The following ZNF211 variants were observed in gnomAD, a reference collection of about 807,000 sequenced individuals.
The protein encoded by ZNF211 is zinc finger protein 211.
ZNF211 carries 18 observed loss-of-function variants against 12.1 expected under a neutral mutation model. The observed-to-expected ratio is 1.48, with a 90% CI of 1.03 to 2.20. ZNF211 has a LOEUF of 2.20. Among genes scored for constraint, ZNF211 ranks in the 30% most tolerant of loss-of-function variants. ZNF211 has a pLI of 0.00. For synonymous variants in ZNF211, 249 were observed against 246.0 expected (o/e 1.01, Z -0.11); for missense variants, 677 against 703.1 (o/e 0.96, Z 0.42).
chr19:57,639,941 G>A, intron 3 of ZNF211: 1 of 1,534,308 alleles, frequency 6.5e-7, no homozygotes, highest in Non-Finnish European at 8.7e-7. Flanking sequence ...TCATGTAGTT[G>A]CTCAACTAGG....
intron 3 of ZNF211, among the ~76,000 whole-genome samples, chr19:57,639,255 G>A (rs4801235): frequency 0.18 from 27,366 of 150,754 alleles, 2,643 homozygotes; most frequent in East Asian, 0.32. Flanking sequence ...AGGAAGGGCA[G>A]ACTTCTATCA....
intron 3 of ZNF211, among the ~76,000 whole-genome samples, chr19:57,639,310 T>C (rs1982543714): frequency 6.6e-6 from 1 of 151,314 alleles, no homozygotes; most frequent in African/African-American, 2.4e-5. Context: ...TATAGCTTTT[T>C]TGATCCTAAT....
chr19:57,635,080 G>A, intron 3 of ZNF211: 1 of 563,162 alleles, frequency 1.8e-6, no homozygotes, highest in Non-Finnish European at 2.2e-6. Context: ...GTGCTAGACT[G>A]TGACATGAAA....
chr19:57,640,841 T>C lies in ZNF211; in HGVS notation c.394T>C (p.Leu132=), dbSNP rs768586784. ...CTCCTGTGAAATATGTTGCCTGGTC[T>C]TGAGAGATATTTTGCACTTGGCTGA... The part of the protein sequence containing the change: ...ADSCEICCLV[L]RDILHLAEHQ... The change falls in exon 4 of 4, where the codon TTG becomes CTG. Residue 132 remains leucine (L), a synonymous_variant. Transcript: ENST00000240731. 7.4e-6 allele frequency: 12 copies of C among 1,614,134 alleles called. No individual in the cohort carries two copies. The East Asian group carries it at 1.3e-4, about 18-fold the overall frequency.
At chr19:57,640,089 G>A (rs1982694668) in intron 3 of ZNF211, 1 of 1,531,936 alleles carries the variant, frequency 6.5e-7, no homozygotes, top group African/African-American at 1.4e-5. Flanking sequence ...AATTGCACCA[G>A]GAACCTGTCC....
At chr19:57,634,165 TTC>T in intron 2 of ZNF211, 104 bp downstream of exon 2, 1 of 1,298,426 alleles carries the variant, frequency 7.7e-7, no homozygotes, top group Non-Finnish European at 1.0e-6. Context: ...TCACCTACCA[TTC>T]TCTCAGCGTT....
chr19:57,641,354 T>C lies in ZNF211; in HGVS notation c.907T>C (p.Cys303Arg). ...AGAAAGGCCTTATGAATGCAATGAA[T>C]GTGGAAAATTCTTTACCTACTACTC... ...SEERPYECNE[C>R]GKFFTYYSSF... Residue 303 changes from cysteine to arginine, a missense_variant, in exon 4 of 4, where the codon TGT becomes CGT. Cys to Arg is a radical substitution (Grantham distance 180). Coordinates refer to ENST00000240731, the MANE Select transcript of ZNF211 (RefSeq NM_006385.5). 1 of 1,614,210 alleles carries C rather than the reference T, an allele frequency of 6.2e-7. No individual in the cohort carries two copies. Among genetic ancestry groups the C allele is most frequent in the Non-Finnish European group, 8.5e-7 (1 of 1,180,036 alleles).
chr19:57,639,451 ACT>A (rs1982596417), intron 3 of ZNF211, among the ~76,000 whole-genome samples: 1 of 81,092 alleles, frequency 1.2e-5, no homozygotes, highest in Non-Finnish European at 2.2e-5. Flanking sequence ...ATGGTGTCTC[ACT>A]CTGTTGCCCA....
In ZNF211 at chr19:57,633,709, T is replaced by A. The variant is rs1006678106; in HGVS notation, c.90+273T>A. 5 of 1,533,376 alleles carry A rather than the reference T, an allele frequency of 3.3e-6. No individual in the cohort carries two copies. In the African/African-American group the frequency reaches 5.5e-5, roughly 17 times the overall value. The allele number at this position is 1,533,376 out of a possible 1,614,324, so 95.0% of individuals were successfully genotyped here. On this transcript the variant is annotated intron_variant, in intron 1 of 3. Coordinates refer to ENST00000240731, the MANE Select transcript of ZNF211 (RefSeq NM_006385.5). ...GTTTGAGAGAGATCTACCTTTATTC[T>A]TAGGGCCGTGGGAGCCATAGAGAGC... is the stretch of plus-strand genomic sequence containing the variant.
At chr19:57,635,163 ACT>A (rs1446988514) in intron 3 of ZNF211, among the ~76,000 whole-genome samples, 2 of 152,170 alleles carry the variant, frequency 1.3e-5, no homozygotes, top group African/African-American at 2.4e-5. Flanking sequence ...ACAGCAGAAC[ACT>A]CTAACAAATT....
intron 3 of ZNF211, among the ~76,000 whole-genome samples, 189 bp from the exon 4 acceptor site, chr19:57,640,515 T>C (rs1406906224): frequency 6.6e-6 from 1 of 152,208 alleles, no homozygotes; most frequent in Non-Finnish European, 1.5e-5. Context: ...TGGGAGGGCC[T>C]ACCCTATTCC....
chr19:57,642,966 G>A lies in ZNF211; in HGVS notation c.*785G>A, dbSNP rs563852340. On this transcript the variant is annotated 3_prime_UTR_variant, in exon 4 of 4. Transcript: ENST00000240731. ...TGAATTATTGCCCAAGGCCTTCTAG[G>A]AAATACTGCAGGATATTATGGTCTT... 6.6e-6 allele frequency among the ~76,000 whole-genome samples: 1 copy of A among 152,212 alleles called. No individual in the cohort carries two copies. Among genetic ancestry groups the A allele is most frequent in the South Asian group, 2.1e-4 (1 of 4,820 alleles).
At chr19:57,634,935 T>G (rs1462643823) in intron 3 of ZNF211, 180 bp downstream of exon 3, 1 of 985,310 alleles carries the variant, frequency 1.0e-6, no homozygotes, top group African/African-American at 1.7e-5. Context: ...CAAAAGCATC[T>G]TGGGTAAGGA....
At chr19:57,634,560 A>AT in intron 2 of ZNF211, 69 bp from the exon 3 acceptor site, 1 of 1,456,692 alleles carries the variant, frequency 6.9e-7, no homozygotes, top group Non-Finnish European at 9.1e-7. Flanking sequence ...AGGAGAATGT[A>AT]TGGGGACATG....
intron 3 of ZNF211, chr19:57,640,013 G>C (rs1324331280): frequency 6.5e-7 from 1 of 1,535,952 alleles, no homozygotes; most frequent in Non-Finnish European, 8.7e-7. Flanking sequence ...AGCAAGATGG[G>C]ATCAGAGAGG....
Position 57,644,039 on chromosome 19 carries a change from G to T in ZNF211, c.*1858G>T, listed in dbSNP as rs1983253050. Reference sequence around the variant, plus strand: ...TATTACAAATAAAGCTGCTAGAAATGTACAATTCTTCATATGTGCATTTTT... The same window carrying T: ...TATTACAAATAAAGCTGCTAGAAATTTACAATTCTTCATATGTGCATTTTT... On this transcript the variant is annotated 3_prime_UTR_variant, in exon 4 of 4. Coordinates refer to ENST00000240731, the MANE Select transcript of ZNF211 (RefSeq NM_006385.5). 2.0e-5 allele frequency among the ~76,000 whole-genome samples: 3 copies of T among 152,094 alleles called. No individual in the cohort carries two copies. In the South Asian group the frequency reaches 6.3e-4, roughly 32 times the overall value.
rs2122230769 is a variant in ZNF211 at position 57,642,289 on chromosome 19, G to A, written c.*108G>A. 2 of 1,245,602 alleles carry A rather than the reference G, an allele frequency of 1.6e-6. No homozygotes were observed. The highest frequency in any genetic ancestry group is 2.3e-5 in the East Asian group (1 of 42,682). 77.2% of individuals were successfully genotyped at this position (1,245,602 alleles called of 1,614,324 possible). A position where few individuals can be genotyped will look rare whatever the true frequency, so the allele number is the denominator to read the frequency against. ...AAGCCCCAACATCTAAGGATATACA[G>A]TGGGCGGATTCCCCTTAAGTTCCAG... On this transcript the variant is annotated 3_prime_UTR_variant, in exon 4 of 4. Transcript: ENST00000240731.
At chr19:57,633,793 A>G (rs985245418) in intron 1 of ZNF211, 4 of 1,552,762 alleles carry the variant, frequency 2.6e-6, no homozygotes, top group Admixed American at 1.9e-5. Flanking sequence ...CAGGCTGTTC[A>G]GTGGAAGAAA....
intron 1 of ZNF211, 143 bp downstream of exon 1, chr19:57,633,579 G>C (rs1363067376): frequency 5.9e-6 from 9 of 1,512,644 alleles, no homozygotes; most frequent in Non-Finnish European, 7.9e-6. Flanking sequence ...CGATGTGGTG[G>C]GCAGGGGGAC....
Sources: gnomAD v4.1 joint callset for allele counts (sites outside exome capture counted in the v4.1 genomes callset) on GRCh38, gnomAD v4.1.1 for gene constraint, MANE v1.5 for transcripts, NCBI Gene and HGNC (gene_info 2026-07-23, HGNC 2026-07-21) for gene names.